The following GFUS variants were observed in gnomAD, a reference collection of about 807,000 sequenced individuals.
The protein encoded by GFUS is GDP-L-fucose synthase.
Under a neutral mutation model 41.5 loss-of-function variants are expected in GFUS, and 42 were observed. The ratio of observed to expected loss-of-function variants is 1.01; its 90% confidence interval spans 0.79 to 1.31. The LOEUF (loss-of-function observed/expected upper bound fraction) is 1.31. Among genes scored for constraint, GFUS ranks in the 50% most tolerant of loss-of-function variants. GFUS has a pLI of 0.00. For synonymous variants in GFUS, 188 were observed against 173.4 expected, an observed-to-expected ratio of 1.08 and a Z score of -0.66; for missense variants, 437 against 428.7, an observed-to-expected ratio of 1.02 and a Z score of -0.17.
In GFUS at chr8:143,616,090, G is replaced by A; in HGVS notation, c.261+16C>T. The stretch of plus-strand genomic sequence containing the variant: ...GATCCTGGTTTCCAGTGCTTGCTGG[G>A]GCCACCCTCACTTACCCAGAAGTCC... On this transcript the variant is annotated intron_variant, in intron 3 of 10. Coordinates refer to ENST00000425753, the MANE Select transcript of GFUS (RefSeq NM_003313.4). 1.3e-6 allele frequency: 2 copies of A among 1,552,332 alleles called. No homozygotes were observed. Among genetic ancestry groups the A allele is most frequent in the East Asian group, 2.3e-5 (1 of 43,726 alleles).
At chr8:143,615,812 C>G in intron 3 of GFUS, 1 of 369,800 alleles carries the variant, frequency 2.7e-6, no homozygotes, top group Non-Finnish European at 4.9e-6. Context: ...AACCAGCTCC[C>G]AGTCCCACGT....
Position 143,613,345 on chromosome 8 carries a change from C to A in GFUS, c.811-50G>T, listed in dbSNP as rs1440156978. 2.5e-6 allele frequency: 4 copies of A among 1,577,804 alleles called. No individual in the cohort carries two copies. The Admixed American group carries it at 6.7e-5, about 26-fold the overall frequency. ...CGAGAAGAGCACCTCCACCCCAGCCCCCGCAGCTTGCCCTTGAACCTCTGC... is the reference window on the plus strand; with the variant it reads ...CGAGAAGAGCACCTCCACCCCAGCCACCGCAGCTTGCCCTTGAACCTCTGC... On this transcript the variant is annotated intron_variant, in intron 9 of 10. Transcript: ENST00000425753.
chr8:143,617,103 C>A, intron 1 of GFUS: 2 of 239,910 alleles, frequency 8.3e-6, no homozygotes, highest in South Asian at 1.2e-4. Context: ...ATGCTAGGGA[C>A]AGGCACGAGA....
At chr8:143,617,943 C>G (rs956990966), upstream of GFUS, 2 of 152,274 alleles carry the variant, frequency 1.3e-5, no homozygotes, top group African/African-American at 2.4e-5. Flanking sequence ...GCCGCAGCCT[C>G]TTGGATTCCG....
chr8:143,616,395 G>A, intron 2 of GFUS, 172 bp downstream of exon 2: 1 of 1,226,954 alleles, frequency 8.2e-7, no homozygotes. Flanking sequence ...GAGGGTGTTT[G>A]TTTTTCCAGG....
chr8:143,616,812 C>T (rs1023899279), intron 1 of GFUS, 89 bp from the exon 2 acceptor site: 10 of 1,515,790 alleles, frequency 6.6e-6, no homozygotes, highest in Non-Finnish European at 8.1e-6. Flanking sequence ...CAGAGTGAGG[C>T]CCTCAGAGTG....
In GFUS at chr8:143,614,632, C is replaced by T. The variant is rs763983069; in HGVS notation, c.456G>A (p.Val152=). The change falls in exon 5 of 11, where the codon GTG becomes GTA. Residue 152 remains valine, a synonymous_variant. Transcript: ENST00000425753. ...GYSYAKRMID[V]QNRAYFQQYG... ...AGGATGGGCGCGAGGACCTGTTCTG[C>T]ACGTCGATCATCCTCTTGGCATACG... 1.3e-6 allele frequency: 2 copies of T among 1,595,568 alleles called. No homozygotes were observed. The highest frequency in any genetic ancestry group is 1.7e-6 in the Non-Finnish European group (2 of 1,167,234).
At chr8:143,615,344 G>A (rs1368746633) in intron 3 of GFUS, among the ~76,000 whole-genome samples, 1 of 152,214 alleles carries the variant, frequency 6.6e-6, no homozygotes, top group East Asian at 1.9e-4. Flanking sequence ...AATGGAGCCT[G>A]CGCTTGCCGG....
At position 143,612,879 on chromosome 8, in the gene GFUS, G is replaced by C. The variant is rs771584812; in HGVS notation, c.*31C>G. 1.9e-6 allele frequency: 3 copies of C among 1,592,622 alleles called. No homozygotes were observed. The highest frequency in any genetic ancestry group is 2.6e-6 in the Non-Finnish European group (3 of 1,171,218). ...GGCCGCTGGGCTCTGCCAGCCGATG[G>C]TCCGCTGGCACCTGATCCTGTCTTC... On this transcript the variant is annotated 3_prime_UTR_variant, in exon 11 of 11. Transcript: ENST00000425753.
chr8:143,617,807 C>T (rs1195536231), upstream of GFUS: 2 of 152,160 alleles, frequency 1.3e-5, no homozygotes, highest in Admixed American at 6.5e-5. Context: ...CCGGCAGCGC[C>T]GCGCGGGATG....
chr8:143,613,788 C>T lies in GFUS; in HGVS notation c.693G>A (p.Leu231=), dbSNP rs1468590971. 1.3e-6 allele frequency: 2 copies of T among 1,550,930 alleles called. No individual in the cohort carries two copies. Among genetic ancestry groups the T allele is most frequent in the South Asian group, 2.4e-5 (2 of 84,068 alleles). ...TGGGCTCCACTTCATTGTACTCCCGCAGGACCCAGATAAAGAGCTGGGCCA... is the reference window on the plus strand; with the variant it reads ...TGGGCTCCACTTCATTGTACTCCCGTAGGACCCAGATAAAGAGCTGGGCCA... ...LDLAQLFIWV[L]REYNEVEPII... The change falls in exon 8 of 11, where the codon CTG becomes CTA. Residue 231 remains leucine, a synonymous_variant. Coordinates refer to ENST00000425753, the MANE Select transcript of GFUS (RefSeq NM_003313.4).
intron 1 of GFUS, chr8:143,617,009 C>CT (rs1829744575): frequency 2.2e-6 from 1 of 450,248 alleles, no homozygotes; most frequent in Admixed American, 3.4e-5. Flanking sequence ...CTACTCCCCT[C>CT]TGACTGACAA....
Position 143,612,973 on chromosome 8 carries a change from G to A in GFUS, c.911-8C>T. 1 of 1,609,334 alleles carries A rather than the reference G, an allele frequency of 6.2e-7. No homozygotes were observed. Among genetic ancestry groups the A allele is most frequent in the Non-Finnish European group, 8.5e-7 (1 of 1,178,536 alleles). On this transcript the variant is annotated splice_polypyrimidine_tract_variant and splice_region_variant and intron_variant, in intron 10 of 10. Coordinates refer to ENST00000425753, the MANE Select transcript of GFUS (RefSeq NM_003313.4). Reference sequence around the variant, plus strand: ...CACAGGTCTCCTTCACCGCTGCAGAGGCAGGCAGGTGAGGGCCATGGACAG... The same window carrying A: ...CACAGGTCTCCTTCACCGCTGCAGAAGCAGGCAGGTGAGGGCCATGGACAG...
rs1449960213 is a variant in GFUS at position 143,612,852 on chromosome 8, G to C, written c.*58C>G. Reference sequence around the variant, plus strand: ...CAGCTCCTGGCAGGGTTGACGGGTGGTGGCCGCTGGGCTCTGCCAGCCGAT... The same window carrying C: ...CAGCTCCTGGCAGGGTTGACGGGTGCTGGCCGCTGGGCTCTGCCAGCCGAT... On this transcript the variant is annotated 3_prime_UTR_variant, in exon 11 of 11. Transcript: ENST00000425753. 6.4e-7 allele frequency: 1 copy of C among 1,560,096 alleles called. No individual in the cohort carries two copies. Among genetic ancestry groups the C allele is most frequent in the African/African-American group, 1.4e-5 (1 of 73,446 alleles).
intron 7 of GFUS, 144 bp downstream of exon 7, chr8:143,614,020 A>C (rs1829650492): frequency 8.1e-7 from 1 of 1,233,034 alleles, no homozygotes; most frequent in South Asian, 1.4e-5. Context: ...CGAGGACCAG[A>C]GATGGCTCCT....
At chr8:143,615,902 C>G (rs932342821) in intron 3 of GFUS, 4 of 486,142 alleles carry the variant, frequency 8.2e-6, no homozygotes, top group African/African-American at 7.9e-5. Flanking sequence ...CCTCCAGGCC[C>G]CCTGCATGGC....
upstream of GFUS, chr8:143,617,699 G>A (rs935061230): frequency 3.3e-5 from 5 of 152,050 alleles, 1 homozygote; most frequent in Admixed American, 3.3e-4. Flanking sequence ...GCGCGGGCGG[G>A]TCCCCGGACG....
rs887746433 is a variant in GFUS, at chr8:143,612,823, C to T, written c.*87G>A. 6.7e-7 allele frequency: 1 copy of T among 1,494,012 alleles called. No homozygotes were observed. The highest frequency in any genetic ancestry group is 1.4e-5 in the African/African-American group (1 of 72,148). The allele number at this position is 1,494,012 out of a possible 1,614,324, so 92.5% of individuals were successfully genotyped here. Reference sequence around the variant, plus strand: ...TGCAGGCCCAGGTTGCTGGGTGGTGCCCTCAGCTCCTGGCAGGGTTGACGG... The same window carrying T: ...TGCAGGCCCAGGTTGCTGGGTGGTGTCCTCAGCTCCTGGCAGGGTTGACGG... On this transcript the variant is annotated 3_prime_UTR_variant, in exon 11 of 11. Coordinates refer to ENST00000425753, the MANE Select transcript of GFUS (RefSeq NM_003313.4).
At chr8:143,615,928 C>T (rs1829713835) in intron 3 of GFUS, 178 bp downstream of exon 3, 1 of 583,726 alleles carries the variant, frequency 1.7e-6, no homozygotes, top group Non-Finnish European at 3.0e-6. Flanking sequence ...GTCCACAGCA[C>T]CAAGTGTGAG....
Sources: allele counts gnomAD v4.1 joint callset (sites outside exome capture counted in the v4.1 genomes callset), GRCh38; gene constraint gnomAD v4.1.1; transcripts MANE v1.5; gene names NCBI Gene and HGNC (gene_info 2026-07-23, HGNC 2026-07-21).